The following COL14A1 variants were observed in gnomAD, a reference collection of about 807,000 sequenced individuals.
COL14A1 encodes collagen alpha-1(XIV) chain.
COL14A1 carries 136 observed loss-of-function variants against 230.3 expected under a neutral mutation model. That is an observed-to-expected ratio of 0.59 (90% CI 0.51 to 0.68). The LOEUF (loss-of-function observed/expected upper bound fraction) is 0.68. Ranked by LOEUF, COL14A1 falls within the 30% of genes least tolerant of loss-of-function variation. COL14A1 has a pLI of 0.00. For synonymous variants in COL14A1, 792 were observed against 784.1 expected (o/e 1.01, Z -0.17); for missense variants, 1,976 against 2,215.8 (o/e 0.89, Z 2.17).
chr8:120,140,433 T>C (rs1814864393), intron 1 of COL14A1, among the ~76,000 whole-genome samples: 2 of 152,200 alleles, frequency 1.3e-5, no homozygotes, highest in South Asian at 2.1e-4. Flanking sequence ...TTTGGTTATA[T>C]AGTAGGACTC....
chr8:120,262,845 G>T lies in COL14A1; in HGVS notation c.2870-23G>T, dbSNP rs373029590. On this transcript the variant is annotated intron_variant, in intron 23 of 47. Transcript: ENST00000297848. ...AAAAATTTCATATGTGTGTGTTTTTGTTTTGTTTTGTTTTTATTATAGATA... is the reference window on the plus strand; with the variant it reads ...AAAAATTTCATATGTGTGTGTTTTTTTTTTGTTTTGTTTTTATTATAGATA... 15 of 1,580,350 alleles carry T rather than the reference G, an allele frequency of 9.5e-6. No individual in the cohort carries two copies. In the African/African-American group the frequency reaches 1.9e-4, roughly 20 times the overall value.
intron 30 of COL14A1, 48 bp from the exon 31 acceptor site, chr8:120,280,873 G>A: frequency 6.7e-7 from 1 of 1,482,230 alleles, no homozygotes. Flanking sequence ...ATTCTAAAGT[G>A]CCATATTCCT....
At chr8:120,216,084 C>T (rs980746402) in intron 13 of COL14A1, among the ~76,000 whole-genome samples, 4 of 152,044 alleles carry the variant, frequency 2.6e-5, no homozygotes, top group South Asian at 2.1e-4. Context: ...GAGTGATAGG[C>T]CGAGAAAATT....
chr8:120,203,679 C>A (rs369129484), intron 8 of COL14A1, 30 bp from the exon 9 acceptor site: 1 of 1,609,822 alleles, frequency 6.2e-7, no homozygotes, highest in Non-Finnish European at 8.5e-7. Flanking sequence ...GCATAAAAGT[C>A]ACCATTCTCT....
intron 20 of COL14A1, 36 bp from the exon 21 acceptor site, chr8:120,247,577 A>G (rs2129650841): frequency 1.3e-6 from 2 of 1,595,834 alleles, no homozygotes; most frequent in East Asian, 4.5e-5. Context: ...AGGAAATTAC[A>G]CTGAATCCCT....
chr8:120,142,666 G>A lies in COL14A1; in HGVS notation c.-37-5140G>A, dbSNP rs562688373. 2.6e-5 allele frequency among the ~76,000 whole-genome samples: 4 copies of A among 152,248 alleles called. No individual in the cohort carries two copies. In the South Asian group the frequency reaches 8.3e-4, roughly 32 times the overall value. On this transcript the variant is annotated intron_variant, in intron 1 of 47. Transcript: ENST00000297848. ...TTCTTTACTAATTAGCATTTTGGTG[G>A]TAGGCCGGTAGGGGAAGATATATTT...
intron 8 of COL14A1, among the ~76,000 whole-genome samples, chr8:120,200,763 ATATT>A (rs1298065993): frequency 5.1e-4 from 54 of 106,290 alleles, no homozygotes; most frequent in African/African-American, 7.1e-4. Flanking sequence ...ATATATATAT[ATATT>A]ATTTTTCATC....
intron 34 of COL14A1, among the ~76,000 whole-genome samples, chr8:120,290,842 T>A (rs756193789): frequency 2.6e-5 from 4 of 152,238 alleles, no homozygotes; most frequent in Non-Finnish European, 5.9e-5. Flanking sequence ...ATGGTAGCAA[T>A]GTGTCCCCTT....
intron 5 of COL14A1, among the ~76,000 whole-genome samples, chr8:120,191,456 T>A (rs1816822836): frequency 6.6e-6 from 1 of 151,122 alleles, no homozygotes. Flanking sequence ...AGGAGAGCTT[T>A]ACTTCCAACT....
chr8:120,124,882 G>T (rs1329703925), upstream of COL14A1, among the ~76,000 whole-genome samples: 4 of 152,078 alleles, frequency 2.6e-5, no homozygotes, highest in East Asian at 7.8e-4. Flanking sequence ...CGCCACATCC[G>T]GCTGCCGCGC....
At position 120,356,699 on chromosome 8, in the gene COL14A1, G is replaced by T. The variant is rs144853872; in HGVS notation, c.5078-10472G>T. On this transcript the variant is annotated intron_variant, in intron 45 of 47. Coordinates refer to ENST00000297848, the MANE Select transcript of COL14A1 (RefSeq NM_021110.4). ...CCAGCCAGGAGTACAGAGCACTCCAGCCAGGTGAACAGAGCAAGACTCTTT... is the reference window on the plus strand; with the variant it reads ...CCAGCCAGGAGTACAGAGCACTCCATCCAGGTGAACAGAGCAAGACTCTTT... Among the ~76,000 whole-genome samples, 36 of 151,752 alleles carry T rather than the reference G, an allele frequency of 2.4e-4. No homozygotes were observed. The East Asian group carries it at 6.2e-3, about 26-fold the overall frequency.
intron 5 of COL14A1, among the ~76,000 whole-genome samples, chr8:120,179,719 CA>C (rs925635871): frequency 2.8e-4 from 43 of 151,510 alleles, no homozygotes; most frequent in Non-Finnish European, 4.9e-4. Flanking sequence ...CATATGGAAC[CA>C]AAAAAAAGCC....
intron 36 of COL14A1, among the ~76,000 whole-genome samples, chr8:120,304,954 A>G (rs889386305): frequency 6.6e-6 from 1 of 151,956 alleles, no homozygotes; most frequent in African/African-American, 2.4e-5. Flanking sequence ...GAGGACAATT[A>G]GCAATCTCTG....
At position 120,246,406 on chromosome 8, in the gene COL14A1, T is replaced by A. The variant is rs184281811; in HGVS notation, c.2480-1207T>A. 2.0e-3 allele frequency among the ~76,000 whole-genome samples: 305 copies of A among 152,304 alleles called. 1 individual carries two copies. The highest frequency in any genetic ancestry group is 6.9e-3 in the African/African-American group (288 of 41,560). On this transcript the variant is annotated intron_variant, in intron 20 of 47. Transcript: ENST00000297848. ...AGATTTCAAACTTTTCACTCCACCT[T>A]TACCAGTATATTGGCATCTTGATTT...
At position 120,263,047 on chromosome 8, in the gene COL14A1, C is replaced by T. The variant is rs73327402; in HGVS notation, c.3016+33C>T. 1.3e-3 allele frequency: 2,015 copies of T among 1,531,250 alleles called. 29 individuals carry two copies. The African/African-American group carries it at 0.026, about 19-fold the overall frequency. The allele number at this position is 1,531,250 out of a possible 1,614,324, so 94.9% of individuals were successfully genotyped here. Reference sequence around the variant, plus strand: ...ATGTGTGTTCTCTCCTGATCCCTCTCCCCATGAACAAACAGAATTTCAGGC... The same window carrying T: ...ATGTGTGTTCTCTCCTGATCCCTCTTCCCATGAACAAACAGAATTTCAGGC... On this transcript the variant is annotated intron_variant, in intron 24 of 47. Coordinates refer to ENST00000297848, the MANE Select transcript of COL14A1 (RefSeq NM_021110.4).
rs926778078 is a variant in COL14A1 at position 120,147,864 on chromosome 8, A to T, written c.22A>T (p.Met8Leu). 1.9e-6 allele frequency: 3 copies of T among 1,613,802 alleles called. No individual in the cohort carries two copies. The highest frequency in any genetic ancestry group is 1.3e-5 in the African/African-American group (1 of 74,912). MKIFQRK[M>L]RYWLLPPFLA... Reference sequence around the variant, plus strand: ...TAAAATGAAGATTTTCCAGCGCAAGATGCGGTACTGGTTGCTTCCACCTTT... The same window carrying T: ...TAAAATGAAGATTTTCCAGCGCAAGTTGCGGTACTGGTTGCTTCCACCTTT... The change falls in exon 2 of 48, where the codon ATG (methionine) becomes TTG (leucine). Residue 8 changes from methionine to leucine, a missense_variant. Around this residue, in one of 3 missense-constraint regions of COL14A1, gnomAD observed 181 missense variants for 178.6 expected, o/e 1.01. Transcript: ENST00000297848.
chr8:120,137,998 C>T (rs1255042187), intron 1 of COL14A1, among the ~76,000 whole-genome samples: 4 of 151,722 alleles, frequency 2.6e-5, no homozygotes, highest in African/African-American at 9.7e-5. Context: ...TATTTTATGG[C>T]CCAGAATATG....
At chr8:120,359,570 C>G (rs1371320951) in intron 45 of COL14A1, among the ~76,000 whole-genome samples, 2 of 152,126 alleles carry the variant, frequency 1.3e-5, no homozygotes, top group African/African-American at 4.8e-5. Flanking sequence ...GGCTCCTTTT[C>G]CCACTAATTT....
chr8:120,231,846 C>T (rs769727280), intron 19 of COL14A1: 5 of 480,330 alleles, frequency 1.0e-5, no homozygotes, highest in Non-Finnish European at 1.8e-5. Flanking sequence ...AACCTCTGAA[C>T]ATTGTTTCAA....
Sources: gnomAD v4.1 joint callset for allele counts (sites outside exome capture counted in the v4.1 genomes callset) on GRCh38, gnomAD v4.1.1 for gene constraint, gnomAD v4.1.1 regional missense constraint, MANE v1.5 for transcripts, NCBI Gene and HGNC (gene_info 2026-07-23, HGNC 2026-07-21) for gene names.